PPFIA2: variants seen among roughly 807,000 people sequenced by gnomAD.
The protein encoded by PPFIA2 is liprin-alpha-2.
In PPFIA2, 46 loss-of-function variants were observed where a neutral mutation model predicts 175.5. The ratio of observed to expected loss-of-function variants is 0.26; its 90% confidence interval spans 0.21 to 0.34. The LOEUF is 0.34. PPFIA2 is among the 10% of genes least tolerant of loss of function. PPFIA2 has a pLI of 1.00. For synonymous variants in PPFIA2, 568 were observed against 511.4 expected (o/e 1.11, Z -1.49); for missense variants, 1,179 against 1,506.1 (o/e 0.78, Z 3.60).
At chr12:81,296,481 A>G (rs1266281517) in intron 23 of PPFIA2, among the ~76,000 whole-genome samples, 1 of 152,210 alleles carries the variant, frequency 6.6e-6, no homozygotes, top group Non-Finnish European at 1.5e-5. Flanking sequence ...CCTGAATAAC[A>G]TCACTTAAAA....
intron 4 of PPFIA2, among the ~76,000 whole-genome samples, chr12:81,468,255 G>T (rs957939821): frequency 2.0e-5 from 3 of 152,152 alleles, no homozygotes; most frequent in Non-Finnish European, 4.4e-5. Flanking sequence ...GAGAGGGAAA[G>T]AATCTTCAAT....
chr12:81,517,443 T>C (rs2147962667), intron 4 of PPFIA2, among the ~76,000 whole-genome samples: 1 of 152,228 alleles, frequency 6.6e-6, no homozygotes, highest in South Asian at 2.1e-4. Flanking sequence ...TGAAAATCAT[T>C]CCACACACTT....
chr12:81,391,713 A>T (rs2040158173), intron 8 of PPFIA2, among the ~76,000 whole-genome samples: 1 of 151,948 alleles, frequency 6.6e-6, no homozygotes, highest in East Asian at 1.9e-4. Flanking sequence ...TAATGATGTC[A>T]CATGCAGTAT....
chr12:81,273,014 C>G (rs984455891), intron 28 of PPFIA2, among the ~76,000 whole-genome samples: 1 of 151,888 alleles, frequency 6.6e-6, no homozygotes, highest in African/African-American at 2.4e-5. Context: ...TTAAGTTTAC[C>G]CTAGTCCTAC....
chr12:81,402,251 A>G (rs1006153230), intron 8 of PPFIA2, among the ~76,000 whole-genome samples: 4 of 152,154 alleles, frequency 2.6e-5, no homozygotes, highest in African/African-American at 9.7e-5. Flanking sequence ...CCACTTTTCA[A>G]TTTACACACT....
intron 3 of PPFIA2, among the ~76,000 whole-genome samples, chr12:81,735,164 AT>A (rs1467761854): frequency 6.6e-6 from 1 of 151,736 alleles, no homozygotes; most frequent in Non-Finnish European, 1.5e-5. Flanking sequence ...CTAGGAGTAA[AT>A]TTTTTTAATT....
At chr12:81,496,578 G>T (rs935977379) in intron 4 of PPFIA2, among the ~76,000 whole-genome samples, 16 of 152,010 alleles carry the variant, frequency 1.1e-4, no homozygotes, top group African/African-American at 3.9e-4. Flanking sequence ...AAATAGATGA[G>T]GTAAATGTGG....
chr12:81,478,460 T>C (rs1198758303), intron 4 of PPFIA2, among the ~76,000 whole-genome samples: 1 of 152,176 alleles, frequency 6.6e-6, no homozygotes, highest in Non-Finnish European at 1.5e-5. Flanking sequence ...AGGTTTTGAA[T>C]TTGTTTGATC....
At chr12:81,394,192 CT>C (rs2040658644) in intron 8 of PPFIA2, among the ~76,000 whole-genome samples, 1 of 151,908 alleles carries the variant, frequency 6.6e-6, no homozygotes, top group African/African-American at 2.4e-5. Context: ...CCTTTTTGGT[CT>C]GATCAAGTTT....
chr12:81,304,764 C>T (rs1189801459), intron 22 of PPFIA2, among the ~76,000 whole-genome samples: 1 of 151,800 alleles, frequency 6.6e-6, no homozygotes, highest in Non-Finnish European at 1.5e-5. Context: ...AAATTGGAGA[C>T]GTAGACAAGA....
chr12:81,504,023 T>A (rs1040661161), intron 4 of PPFIA2, among the ~76,000 whole-genome samples: 1 of 152,074 alleles, frequency 6.6e-6, no homozygotes, highest in African/African-American at 2.4e-5. Flanking sequence ...GACAGTGATA[T>A]ATTGGAGACA....
Position 81,705,434 on chromosome 12 carries a change from G to A in PPFIA2, c.250-28590C>T, listed in dbSNP as rs141049829. Among the ~76,000 whole-genome samples the A allele has an allele frequency of 3.3e-4, 48 of 145,660 alleles. No individual in the cohort carries two copies. In the East Asian group the frequency reaches 8.7e-3, roughly 26 times the overall value. On this transcript the variant is annotated intron_variant, in intron 3 of 32. Transcript: ENST00000549396. ...TTGCACCACTGCACTCCAGCCTGGG[G>A]TGACAGAACAAGACTAGGTCTCAAA...
At chr12:81,475,986 T>C (rs1038202733) in intron 4 of PPFIA2, among the ~76,000 whole-genome samples, 4 of 152,196 alleles carry the variant, frequency 2.6e-5, no homozygotes, top group Non-Finnish European at 5.9e-5. Context: ...GGTAACTTTT[T>C]ATTGTCCCTC....
At chr12:81,435,204 A>G (rs552007453) in intron 7 of PPFIA2, among the ~76,000 whole-genome samples, 2 of 152,286 alleles carry the variant, frequency 1.3e-5, no homozygotes, top group East Asian at 3.9e-4. Context: ...TAAATTAGAA[A>G]ATGTACTCCT....
At position 81,344,670 on chromosome 12, in the gene PPFIA2, C is replaced by T; in HGVS notation, c.2256G>A (p.Arg752=). ...MTLPSDLRKH[R]RKIAVVEEDG... Reference sequence around the variant, plus strand: ...TAAAAGTTATTTACTGTACCTTTCTCCGATGTTTCCTCAGATCACTTGGCT... The same window carrying T: ...TAAAAGTTATTTACTGTACCTTTCTTCGATGTTTCCTCAGATCACTTGGCT... The change falls in exon 19 of 33, where the codon CGG becomes CGA. Residue 752 remains arginine (R), a synonymous_variant. Coordinates refer to ENST00000549396, the MANE Select transcript of PPFIA2 (RefSeq NM_003625.5). 1.9e-6 allele frequency: 3 copies of T among 1,558,830 alleles called. No homozygotes were observed. Among genetic ancestry groups the T allele is most frequent in the Non-Finnish European group, 2.6e-6 (3 of 1,146,850 alleles).
intron 4 of PPFIA2, among the ~76,000 whole-genome samples, chr12:81,463,486 G>T (rs895009420): frequency 1.3e-5 from 2 of 152,094 alleles, no homozygotes; most frequent in African/African-American, 4.8e-5. Context: ...AGAGCAAAGT[G>T]ACTTTCCCCA....
At chr12:81,524,209 C>T (rs1022137319) in intron 4 of PPFIA2, among the ~76,000 whole-genome samples, 1 of 152,158 alleles carries the variant, frequency 6.6e-6, no homozygotes, top group Middle Eastern at 3.2e-3. Flanking sequence ...GTTGGTTCTA[C>T]CCTCAAGACC....
intron 4 of PPFIA2, among the ~76,000 whole-genome samples, chr12:81,497,015 T>A (rs1208586361): frequency 6.6e-6 from 1 of 152,134 alleles, no homozygotes; most frequent in African/African-American, 2.4e-5. Context: ...GGTTTACAAT[T>A]TTTTTAAGTC....
chr12:81,337,939 A>G (rs563659654), intron 21 of PPFIA2, among the ~76,000 whole-genome samples: 1 of 152,280 alleles, frequency 6.6e-6, no homozygotes, highest in Non-Finnish European at 1.5e-5. Flanking sequence ...TGTATAGCCT[A>G]AAGAGTTCCT....
Sources: allele counts gnomAD v4.1 joint callset (sites outside exome capture counted in the v4.1 genomes callset), GRCh38; gene constraint gnomAD v4.1.1; transcripts MANE v1.5; gene names NCBI Gene and HGNC (gene_info 2026-07-23, HGNC 2026-07-21).